TTLL5: variants seen among roughly 807,000 people sequenced by gnomAD.
The protein encoded by TTLL5 is tubulin tyrosine ligase like 5, also known as tubulin polyglutamylase TTLL5.
TTLL5 carries 132 observed loss-of-function variants against 168.4 expected under a neutral mutation model. The ratio of observed to expected loss-of-function variants is 0.78; its 90% confidence interval spans 0.68 to 0.91. The LOEUF is 0.91. Among genes scored for constraint, TTLL5 ranks in the 40% least tolerant of loss-of-function variants. The pLI, the probability that TTLL5 is intolerant of heterozygous loss-of-function variation, is 0.00. For missense variants in TTLL5, 1,545 were observed against 1,581.5 expected (o/e 0.98, Z 0.39); for synonymous variants, 546 against 558.6 (o/e 0.98, Z 0.32).
chr14:75,666,866 A>G (rs1276731797), intron 2 of TTLL5, among the ~76,000 whole-genome samples: 1 of 152,254 alleles, frequency 6.6e-6, no homozygotes, highest in Non-Finnish European at 1.5e-5. Flanking sequence ...AAAGTGAATC[A>G]TAAAACTGAT....
chr14:75,856,613 T>C (rs1242122666), intron 28 of TTLL5, among the ~76,000 whole-genome samples: 1 of 147,596 alleles, frequency 6.8e-6, no homozygotes, highest in Non-Finnish European at 1.5e-5. Context: ...CATGATATTA[T>C]AAGTTGTATT....
chr14:75,827,734 T>A (rs1399676819), intron 28 of TTLL5, among the ~76,000 whole-genome samples: 1 of 139,460 alleles, frequency 7.2e-6, no homozygotes, highest in Non-Finnish European at 1.5e-5. Flanking sequence ...TTTTTTTTTT[T>A]TTTTGAAACA....
At chr14:75,663,011 T>C in intron 1 of TTLL5, 44 bp from the exon 2 acceptor site, 1 of 744,218 alleles carries the variant, frequency 1.3e-6, no homozygotes, top group South Asian at 1.5e-5. Context: ...GACAACTGCA[T>C]TGTGTTTCAG....
Position 75,771,770 on chromosome 14 carries a change from C to T in TTLL5, c.2052C>T (p.Leu684=), listed in dbSNP as rs374872936. 192 of 1,613,962 alleles carry T rather than the reference C, an allele frequency of 1.2e-4. No individual in the cohort carries two copies. The highest frequency in any genetic ancestry group is 1.5e-4 in the Non-Finnish European group (179 of 1,179,978). ...CCCGAATAGCATTCTCTGCCTATCT[C>T]CAGCATGTTCAAATTCGCCTGATGA... ...MQARIAFSAY[L]QHVQIRLMKD... The change falls in exon 21 of 32, where the codon CTC becomes CTT. Residue 684 remains leucine, a synonymous_variant. Coordinates refer to ENST00000298832, the MANE Select transcript of TTLL5 (RefSeq NM_015072.5).
intron 31 of TTLL5, among the ~76,000 whole-genome samples, chr14:75,914,414 T>A (rs908201894): frequency 3.2e-4 from 48 of 152,076 alleles, no homozygotes; most frequent in African/African-American, 1.1e-3. Flanking sequence ...GTCCATTTCC[T>A]CTGTTCTCCT....
chr14:75,923,437 A>T (rs2033898366), intron 31 of TTLL5, among the ~76,000 whole-genome samples: 1 of 152,106 alleles, frequency 6.6e-6, no homozygotes. Context: ...TTCAAAGAAC[A>T]TCTTTATTTC....
chr14:75,933,625 T>G (rs537004649), intron 31 of TTLL5, among the ~76,000 whole-genome samples: 1 of 152,316 alleles, frequency 6.6e-6, no homozygotes, highest in South Asian at 2.1e-4. Context: ...GCCTCCAAGT[T>G]GTGGTTGTTG....
chr14:75,756,887 A>G (rs1354490977), intron 18 of TTLL5, among the ~76,000 whole-genome samples: 1 of 152,314 alleles, frequency 6.6e-6, no homozygotes, highest in Middle Eastern at 3.4e-3. Context: ...TTTAACATGA[A>G]TAGCACTCAA....
chr14:75,764,383 T>G (rs944088628), intron 18 of TTLL5, among the ~76,000 whole-genome samples: 1 of 152,218 alleles, frequency 6.6e-6, no homozygotes, highest in Admixed American at 6.5e-5. Flanking sequence ...CTTAAAGGTC[T>G]TAAACATTGT....
chr14:75,761,285 T>TA (rs1356753330), intron 18 of TTLL5, among the ~76,000 whole-genome samples: 2 of 152,158 alleles, frequency 1.3e-5, no homozygotes, highest in Admixed American at 1.3e-4. Flanking sequence ...GTTGACAGTG[T>TA]AAACTGGTAC....
chr14:75,765,650 C>T (rs1031357512), intron 19 of TTLL5, among the ~76,000 whole-genome samples: 1 of 151,970 alleles, frequency 6.6e-6, no homozygotes, highest in Non-Finnish European at 1.5e-5. Context: ...ATCGCTTGAG[C>T]CCAGGAGTTC....
chr14:75,791,358 A>G (rs1183459649), intron 26 of TTLL5, among the ~76,000 whole-genome samples: 2 of 152,220 alleles, frequency 1.3e-5, no homozygotes, highest in Non-Finnish European at 1.5e-5. Context: ...AATGCCAGAC[A>G]GCAAGGAAAA....
intron 5 of TTLL5, chr14:75,689,975 T>C: frequency 2.2e-6 from 1 of 460,550 alleles, no homozygotes; most frequent in Non-Finnish European, 3.7e-6. Context: ...CAAATTTTAC[T>C]GTATGGAGAT....
intron 29 of TTLL5, among the ~76,000 whole-genome samples, chr14:75,864,072 C>A (rs1434054594): frequency 6.6e-6 from 1 of 151,988 alleles, no homozygotes; most frequent in Non-Finnish European, 1.5e-5. Context: ...GATGCTTAAC[C>A]AGTGTTTGAC....
chr14:75,928,366 T>TATATATATATATATA (rs1202108865), intron 31 of TTLL5, among the ~76,000 whole-genome samples: 1 of 142,318 alleles, frequency 7.0e-6, no homozygotes, highest in African/African-American at 2.6e-5. Context: ...TATATATATA[T>TATATATATATATATA]ATCACTGTAT....
intron 28 of TTLL5, chr14:75,820,633 T>C (rs904670514): frequency 6.5e-6 from 1 of 154,356 alleles, no homozygotes; most frequent in Non-Finnish European, 1.5e-5. Context: ...ACAACCTCGC[T>C]GAACAATGCT....
intron 31 of TTLL5, among the ~76,000 whole-genome samples, chr14:75,935,679 A>C (rs1009876731): frequency 2.6e-5 from 4 of 152,186 alleles, no homozygotes; most frequent in Non-Finnish European, 5.9e-5. Context: ...TTGTTAAGTA[A>C]AAGATGCCCC....
chr14:75,735,350 A>T (rs911905114), intron 15 of TTLL5, 61 bp downstream of exon 15: 11 of 1,538,890 alleles, frequency 7.1e-6, no homozygotes, highest in Non-Finnish European at 9.9e-6. Flanking sequence ...CGGCTGATGT[A>T]ACTGTGGGAG....
At chr14:75,914,055 T>TA (rs2033509167) in intron 31 of TTLL5, among the ~76,000 whole-genome samples, 1 of 124,236 alleles carries the variant, frequency 8.0e-6, no homozygotes, top group African/African-American at 3.8e-5. Context: ...TATATATATA[T>TA]TTTATCCCCT....
Sources: gnomAD v4.1 joint callset for allele counts (sites outside exome capture counted in the v4.1 genomes callset) on GRCh38, gnomAD v4.1.1 for gene constraint, MANE v1.5 for transcripts, NCBI Gene and HGNC (gene_info 2026-07-23, HGNC 2026-07-21) for gene names.